POLR2B: variants seen among roughly 807,000 people sequenced by gnomAD.
POLR2B encodes the protein RNA polymerase II subunit B, also known as DNA-directed RNA polymerase II subunit RPB2.
In POLR2B, 57 loss-of-function variants were observed where a neutral mutation model predicts 144.6. That is an observed-to-expected ratio of 0.39 (90% CI 0.32 to 0.49). The LOEUF is 0.49. Ranked by LOEUF, POLR2B falls within the 20% of genes least tolerant of loss-of-function variation. POLR2B has a pLI of 0.83. For synonymous variants in POLR2B, 442 were observed against 469.8 expected (o/e 0.94, Z 0.77); for missense variants, 595 against 1,467.4 (o/e 0.41, Z 9.71).
At chr4:57,021,870 T>G (rs1246607338) in intron 17 of POLR2B, among the ~76,000 whole-genome samples, 1 of 152,198 alleles carries the variant, frequency 6.6e-6, no homozygotes, top group Non-Finnish European at 1.5e-5. Flanking sequence ...TATTATGTAA[T>G]GGATTCTTAA....
chr4:56,985,790 C>T lies in POLR2B; in HGVS notation c.20-564C>T, dbSNP rs536965023. Among the ~76,000 whole-genome samples the T allele has an allele frequency of 2.6e-5, 4 of 152,302 alleles. No homozygotes were observed. In the East Asian group the frequency reaches 7.7e-4, roughly 29 times the overall value. ...TTCTGACCTGGCTTCTGAAGTCATGCAGCATTGCTTCAGCTGCATTCTCTT... is the reference window on the plus strand; with the variant it reads ...TTCTGACCTGGCTTCTGAAGTCATGTAGCATTGCTTCAGCTGCATTCTCTT... On this transcript the variant is annotated intron_variant, in intron 1 of 24. Coordinates refer to ENST00000314595, the MANE Select transcript of POLR2B (RefSeq NM_000938.3).
rs2109682644 is a variant in POLR2B, at chr4:57,005,595, T to TTTA, written c.1098-5_1098-4insTTA. ...CTTTCTTTCTTTCTTTTTTTTTTTT[T>TTTA]AAAGATACATGGTTCATAGGTTACT... On this transcript the variant is annotated splice_region_variant and splice_polypyrimidine_tract_variant and intron_variant, in intron 8 of 24. Transcript: ENST00000314595. 2 of 1,548,784 alleles carry TTTA rather than the reference T, an allele frequency of 1.3e-6. No individual in the cohort carries two copies. Among genetic ancestry groups the TTTA allele is most frequent in the Non-Finnish European group, 8.7e-7 (1 of 1,151,226 alleles).
At chr4:57,006,575 G>A (rs1723025354) in intron 9 of POLR2B, among the ~76,000 whole-genome samples, 1 of 152,168 alleles carries the variant, frequency 6.6e-6, no homozygotes, top group Admixed American at 6.5e-5. Context: ...AAAGTGCTGG[G>A]ATTACAGATG....
chr4:57,012,297 C>T (rs181539034), intron 13 of POLR2B, among the ~76,000 whole-genome samples: 12 of 152,000 alleles, frequency 7.9e-5, no homozygotes, highest in Non-Finnish European at 1.5e-4. Context: ...CCCAGCTACT[C>T]GGGAAGCTGA....
chr4:57,008,274 C>G (rs1723083962), intron 10 of POLR2B, among the ~76,000 whole-genome samples: 1 of 151,188 alleles, frequency 6.6e-6, no homozygotes, highest in Non-Finnish European at 1.5e-5. Flanking sequence ...GCAATCTCCG[C>G]TCACTGCAAG....
intron 23 of POLR2B, among the ~76,000 whole-genome samples, chr4:57,026,600 A>G (rs911070200): frequency 6.6e-6 from 1 of 152,042 alleles, no homozygotes; most frequent in Non-Finnish European, 1.5e-5. Flanking sequence ...ACGTGTTAAC[A>G]TAAATAACAT....
At chr4:56,989,955 G>C (rs529383227) in intron 2 of POLR2B, among the ~76,000 whole-genome samples, 2 of 152,078 alleles carry the variant, frequency 1.3e-5, no homozygotes, top group Non-Finnish European at 2.9e-5. Flanking sequence ...TCTCAGCCAT[G>C]CTGCATTTTT....
At chr4:56,992,398 G>A (rs1436584698) in intron 3 of POLR2B, among the ~76,000 whole-genome samples, 1 of 138,660 alleles carries the variant, frequency 7.2e-6, no homozygotes, top group Non-Finnish European at 1.5e-5. Flanking sequence ...GTGGGAGACG[G>A]AGGTTGCAGC....
chr4:56,979,119 C>G (rs1722072060), intron 1 of POLR2B, 115 bp downstream of exon 1: 1 of 1,095,414 alleles, frequency 9.1e-7, no homozygotes, highest in Admixed American at 1.7e-5. Flanking sequence ...CAGTCCCCAG[C>G]CTTGTTCCCA....
chr4:57,011,808 C>T (rs752368880), intron 13 of POLR2B, among the ~76,000 whole-genome samples: 1 of 151,998 alleles, frequency 6.6e-6, no homozygotes, highest in African/African-American at 2.4e-5. Context: ...GGCGACAGAG[C>T]GAGACTCCAT....
At chr4:57,018,730 A>T (rs1723443383) in intron 16 of POLR2B, among the ~76,000 whole-genome samples, 1 of 152,340 alleles carries the variant, frequency 6.6e-6, no homozygotes, top group African/African-American at 2.4e-5. Context: ...TTACTATGAA[A>T]TTGCCTAAGG....
At position 56,994,461 on chromosome 4, in the gene POLR2B, A is replaced by G. The variant is rs1298646935; in HGVS notation, c.301A>G (p.Arg101Gly). 6.2e-7 allele frequency: 1 copy of G among 1,610,368 alleles called. No individual in the cohort carries two copies. Among genetic ancestry groups the G allele is most frequent in the Admixed American group, 1.7e-5 (1 of 60,000 alleles). Residue 101 changes from arginine to glycine, a missense_variant, in exon 4 of 25, where the codon AGA becomes GGA. By Grantham distance (125) the Arg-to-Gly change is moderately radical. Around this residue, in one of 9 missense-constraint regions of POLR2B, gnomAD observed 251 missense variants for 567.3 expected, o/e 0.44. Coordinates refer to ENST00000314595, the MANE Select transcript of POLR2B (RefSeq NM_000938.3). ...TCTTTCCAAGCCTACCCATTGGGAA[A>G]GAGATGGTGCTCCTTCACCAATGAT... The part of the protein sequence containing the change: ...IYLSKPTHWE[R>G]DGAPSPMMPN...
At chr4:57,002,201 G>A (rs1713994) in intron 7 of POLR2B, among the ~76,000 whole-genome samples, 47,455 of 151,812 alleles carry the variant, frequency 0.31, 7,589 homozygotes, top group Admixed American at 0.4. Flanking sequence ...CTAATTTTTT[G>A]TATTTTTGGT....
chr4:56,986,175 C>A, intron 1 of POLR2B, 179 bp from the exon 2 acceptor site: 1 of 641,492 alleles, frequency 1.6e-6, no homozygotes. Context: ...TGGAAGAATA[C>A]CTGTGTGACA....
chr4:56,994,041 T>G (rs1157872096), intron 3 of POLR2B, among the ~76,000 whole-genome samples: 1 of 152,228 alleles, frequency 6.6e-6, no homozygotes, highest in Non-Finnish European at 1.5e-5. Context: ...ATTAAGTCTC[T>G]TTTTGTCTTC....
intron 2 of POLR2B, among the ~76,000 whole-genome samples, chr4:56,988,521 A>G (rs922496438): frequency 6.6e-6 from 1 of 152,150 alleles, no homozygotes; most frequent in Non-Finnish European, 1.5e-5. Flanking sequence ...TAAAGAAAGA[A>G]AAAAAGAGAA....
At chr4:57,030,673 C>A in intron 24 of POLR2B, 2 of 550,916 alleles carry the variant, frequency 3.6e-6, no homozygotes, top group Non-Finnish European at 6.4e-6. Flanking sequence ...TTTTGAAAAC[C>A]TTTTAGTTGA....
rs1160523877 is a variant in POLR2B at position 56,995,387 on chromosome 4, G to A, written c.713G>A (p.Ser238Asn). ...SSRPTSTIWVSMLARGGQGAK... is the reference protein window; with the variant it reads ...SSRPTSTIWVNMLARGGQGAK... ...CGACCCACCAGTACTATATGGGTTAGCATGCTGGCAAGAGGAGGACAGGTA... is the reference window on the plus strand; with the variant it reads ...CGACCCACCAGTACTATATGGGTTAACATGCTGGCAAGAGGAGGACAGGTA... The change falls in exon 6 of 25, where the codon AGC becomes AAC. Residue 238 changes from serine to asparagine, a missense_variant. Transcript: ENST00000314595. 1 of 1,610,648 alleles carries A rather than the reference G, an allele frequency of 6.2e-7. No homozygotes were observed. Among genetic ancestry groups the A allele is most frequent in the Admixed American group, 1.7e-5 (1 of 59,916 alleles).
intron 1 of POLR2B, among the ~76,000 whole-genome samples, chr4:56,985,922 G>A (rs1722312399): frequency 6.6e-6 from 1 of 152,196 alleles, no homozygotes. Context: ...CATGTCGGAT[G>A]GGAGATAGGC....
Sources: allele counts gnomAD v4.1 joint callset (sites outside exome capture counted in the v4.1 genomes callset), GRCh38; gene constraint gnomAD v4.1.1; regional missense constraint gnomAD v4.1.1; transcripts MANE v1.5; gene names NCBI Gene and HGNC (gene_info 2026-07-23, HGNC 2026-07-21).